Variants in SEMA3D observed in about 807,000 individuals in gnomAD.
SEMA3D encodes the protein semaphorin-3D.
SEMA3D carries 84 observed loss-of-function variants against 100.1 expected under a neutral mutation model. The ratio of observed to expected loss-of-function variants is 0.84; its 90% CI spans 0.70 to 1.01. The LOEUF (loss-of-function observed/expected upper bound fraction) is 1.01, where lower values mean the gene tolerates loss of function less well. Ranked by LOEUF, SEMA3D falls within the 50% of genes least tolerant of loss-of-function variation. The pLI, the probability that SEMA3D is intolerant of heterozygous loss-of-function variation, is 0.00. For missense variants in SEMA3D, 875 were observed against 934.1 expected (o/e 0.94, Z 0.82); for synonymous variants, 312 against 320.7 (o/e 0.97, Z 0.29).
At position 85,097,891 on chromosome 7, in the gene SEMA3D, C is replaced by G; in HGVS notation, c.226G>C (p.Asp76His). 6.2e-7 allele frequency: 1 copy of G among 1,609,202 alleles called. No homozygotes were observed. The highest frequency in any genetic ancestry group is 8.5e-7 in the Non-Finnish European group (1 of 1,176,810). The change falls in exon 4 of 19, where the codon GAT becomes CAT. Residue 76 changes from aspartate (D) to histidine (H), a missense_variant. Asp to His is a moderately conservative substitution (Grantham distance 81, BLOSUM62 -1). Coordinates refer to ENST00000284136, the MANE Select transcript of SEMA3D (RefSeq NM_001384900.1). ...AAGAGCAGCCTGCCTCTTTCCTCAT[C>G]TAAGAGAAGAGTTTGAAAATCCAGT... ...EGLDFQTLLLDEERGRLLLGA... is the reference protein window; with the variant it reads ...EGLDFQTLLLHEERGRLLLGA...
At chr7:85,111,622 CTCTT>C (rs2116367011) in intron 3 of SEMA3D, among the ~76,000 whole-genome samples, 1 of 152,170 alleles carries the variant, frequency 6.6e-6, no homozygotes, top group African/African-American at 2.4e-5. Flanking sequence ...ATTTCTCGAT[CTCTT>C]TCTTTCTGTG....
chr7:85,051,530 T>C (rs952960793), intron 9 of SEMA3D, among the ~76,000 whole-genome samples: 1 of 151,922 alleles, frequency 6.6e-6, no homozygotes, highest in Non-Finnish European at 1.5e-5. Flanking sequence ...CATTGTCCCA[T>C]TGGATTCTAT....
chr7:85,064,746 G>A (rs1465849741), intron 8 of SEMA3D, among the ~76,000 whole-genome samples: 4 of 151,892 alleles, frequency 2.6e-5, no homozygotes, highest in African/African-American at 7.3e-5. Context: ...TGGGGAGTGG[G>A]GTGGAGTTAG....
chr7:84,999,544 TTCTC>T lies in SEMA3D; in HGVS notation c.2226_2229del (p.Arg743ThrfsTer13), dbSNP rs776356468. On this transcript the variant is annotated frameshift_variant, in exon 19 of 19. Coordinates refer to ENST00000284136, the MANE Select transcript of SEMA3D (RefSeq NM_001384900.1). LOFTEE classifies it high-confidence loss of function. ...TGCTTCCACTTTGGGCCCCCCTTGT[TTCTC>T]TGTCTCCGCTTCTCCCTGTGCCACA... 6.2e-7 allele frequency: 1 copy of T among 1,614,138 alleles called. No individual in the cohort carries two copies. Among genetic ancestry groups the T allele is most frequent in the Non-Finnish European group, 8.5e-7 (1 of 1,180,028 alleles).
chr7:85,142,140 T>C, intron 2 of SEMA3D: 1 of 984,546 alleles, frequency 1.0e-6, no homozygotes, highest in Non-Finnish European at 1.2e-6. Context: ...TATTGACATA[T>C]ATCAACATTG....
chr7:85,046,653 CA>C (rs1791016256), intron 9 of SEMA3D, among the ~76,000 whole-genome samples: 1 of 151,834 alleles, frequency 6.6e-6, no homozygotes. Flanking sequence ...CCTGAGATGG[CA>C]AAGTTCAATT....
At chr7:85,141,177 G>C in intron 2 of SEMA3D, 2 of 983,872 alleles carry the variant, frequency 2.0e-6, no homozygotes, top group Non-Finnish European at 1.2e-6. Context: ...ACTAGTTGCA[G>C]CACTATCATT....
the SEMA3D span, among the ~76,000 whole-genome samples, chr7:85,225,102 AT>A: frequency 1.2e-4 from 3 of 24,492 alleles, no homozygotes; most frequent in Admixed American, 1.1e-3. Flanking sequence ...ATATATATAT[AT>A]ATACATACAT....
At chr7:85,003,546 A>G (rs559986430) in intron 18 of SEMA3D, among the ~76,000 whole-genome samples, 2 of 152,212 alleles carry the variant, frequency 1.3e-5, no homozygotes, top group South Asian at 4.1e-4. Context: ...CCTATATAAA[A>G]CATAAAATGT....
the SEMA3D span, among the ~76,000 whole-genome samples, chr7:85,224,862 C>T: frequency 6.6e-6 from 1 of 151,548 alleles, no homozygotes; most frequent in Non-Finnish European, 1.5e-5. Context: ...CATTTTCTTT[C>T]TTCCTTACCA....
At chr7:85,165,000 C>A (rs1404858034) in intron 1 of SEMA3D, among the ~76,000 whole-genome samples, 2 of 87,028 alleles carry the variant, frequency 2.3e-5, no homozygotes, top group Admixed American at 2.2e-4. Context: ...CCCCCTTCCC[C>A]CCACCCCACA....
intron 3 of SEMA3D, among the ~76,000 whole-genome samples, chr7:85,108,090 A>G (rs1482207880): frequency 6.6e-6 from 1 of 152,032 alleles, no homozygotes; most frequent in Non-Finnish European, 1.5e-5. Context: ...AATTCTTCTA[A>G]ATAATTTTAA....
Position 85,040,693 on chromosome 7 carries a change from A to G in SEMA3D, c.1026T>C (p.Tyr342=). ...PTRDERNPVV[Y]GVFTTTSSIF... is the part of the protein sequence containing the mutation. ...CATACCTGGTTGTAGTAAAGACTCC[A>G]TATACTACAGGATTTCTTTCATCTC... Residue 342 remains tyrosine (Y), a synonymous_variant, in exon 11 of 19, where the codon TAT becomes TAC. Transcript: ENST00000284136. 6.8e-7 allele frequency: 1 copy of G among 1,479,158 alleles called. No individual in the cohort carries two copies. The highest frequency in any genetic ancestry group is 1.7e-4 in the Middle Eastern group (1 of 5,780). 91.6% of individuals were successfully genotyped at this position (1,479,158 alleles called of 1,614,324 possible).
At chr7:85,167,516 T>G (rs1184363152) in intron 1 of SEMA3D, 2 of 313,940 alleles carry the variant, frequency 6.4e-6, no homozygotes, top group Non-Finnish European at 9.2e-6. Flanking sequence ...AAAATTATCT[T>G]AATTTATTGT....
chr7:85,074,343 A>G (rs1791861046), intron 5 of SEMA3D, among the ~76,000 whole-genome samples: 1 of 152,234 alleles, frequency 6.6e-6, no homozygotes, highest in Non-Finnish European at 1.5e-5. Flanking sequence ...ATTAAAAAAC[A>G]AACAAATAAA....
intron 2 of SEMA3D, among the ~76,000 whole-genome samples, chr7:85,134,813 A>G (rs1465135437): frequency 6.6e-6 from 1 of 151,978 alleles, no homozygotes; most frequent in Non-Finnish European, 1.5e-5. Flanking sequence ...CATTGTGTAT[A>G]ATATCATAAA....
At chr7:85,249,718 A>C in the SEMA3D span, among the ~76,000 whole-genome samples, 1 of 152,242 alleles carries the variant, frequency 6.6e-6, no homozygotes, top group Non-Finnish European at 1.5e-5. Flanking sequence ...TAACTGAAAG[A>C]ACTGGAAGAC....
intron 1 of SEMA3D, among the ~76,000 whole-genome samples, chr7:85,160,540 C>A (rs770908159): frequency 3.3e-5 from 5 of 152,094 alleles, no homozygotes; most frequent in Non-Finnish European, 5.9e-5. Flanking sequence ...GCCTGACTCT[C>A]TGCCTGTAGA....
chr7:85,065,177 A>C (rs1411279234), intron 8 of SEMA3D, among the ~76,000 whole-genome samples: 1 of 152,174 alleles, frequency 6.6e-6, no homozygotes, highest in African/African-American at 2.4e-5. Flanking sequence ...GTCATTGTGA[A>C]TATTTAAAAT....
Sources: allele counts gnomAD v4.1 joint callset (sites outside exome capture counted in the v4.1 genomes callset), GRCh38; gene constraint gnomAD v4.1.1; transcripts MANE v1.5; gene names NCBI Gene and HGNC (gene_info 2026-07-23, HGNC 2026-07-21).